TCF7L1: variants seen among roughly 807,000 people sequenced by gnomAD.
The protein encoded by TCF7L1 is transcription factor 7 like 1.
Under a neutral mutation model 63.7 loss-of-function variants are expected in TCF7L1, and 18 were observed. That is an observed-to-expected ratio of 0.28 (90% CI 0.20 to 0.42). The LOEUF is 0.42. TCF7L1 is among the 10% of genes least tolerant of loss of function. TCF7L1 has a pLI of 1.00. For missense variants in TCF7L1, 654 were observed against 779.3 expected (o/e 0.84, Z 1.91); for synonymous variants, 355 against 340.9 (o/e 1.04, Z -0.46).
chr2:85,287,214 C>G (rs949013635), intron 4 of TCF7L1, among the ~76,000 whole-genome samples: 2 of 152,202 alleles, frequency 1.3e-5, no homozygotes, highest in African/African-American at 4.8e-5. Flanking sequence ...AGCCGACAGC[C>G]AAGGCCTGAC....
At chr2:85,267,469 G>T (rs1002693039) in intron 3 of TCF7L1, among the ~76,000 whole-genome samples, 1 of 151,830 alleles carries the variant, frequency 6.6e-6, no homozygotes, top group Non-Finnish European at 1.5e-5. Context: ...GGCCAACATG[G>T]TGAACCCCTG....
chr2:85,145,094 T>C (rs1217368825), intron 3 of TCF7L1, among the ~76,000 whole-genome samples: 1 of 151,644 alleles, frequency 6.6e-6, no homozygotes. Flanking sequence ...ATCATGACAT[T>C]CCATACTTTT....
intron 3 of TCF7L1, among the ~76,000 whole-genome samples, chr2:85,222,900 G>T (rs558647010): frequency 1.5e-3 from 224 of 152,262 alleles, no homozygotes; most frequent in Non-Finnish European, 2.5e-3. Flanking sequence ...ATTTACCAAT[G>T]AAGTGATAGG....
At chr2:85,212,628 G>A (rs146100219) in intron 3 of TCF7L1, among the ~76,000 whole-genome samples, 3 of 152,156 alleles carry the variant, frequency 2.0e-5, no homozygotes, top group East Asian at 1.9e-4. Flanking sequence ...GAGTAAAAGC[G>A]CAGAGGTGGA....
At position 85,213,944 on chromosome 2, in the gene TCF7L1, C is replaced by T. The variant is rs149500971; in HGVS notation, c.442-69551C>T. Among the ~76,000 whole-genome samples the T allele has an allele frequency of 4.9e-4, 75 of 152,362 alleles. 1 individual carries two copies. Among genetic ancestry groups the T allele is most frequent in the Middle Eastern group, 3.4e-3 (1 of 294 alleles). ...AAGGCTGGATCCAGAGGGTGTCCCA[C>T]TGTGCATGGATGGGGGGCTTCCTCC... is the stretch of plus-strand genomic sequence containing the variant. On this transcript the variant is annotated intron_variant, in intron 3 of 11. Transcript: ENST00000282111.
rs552020907 is a variant in TCF7L1, at chr2:85,228,467, G to A, written c.442-55028G>A. Reference sequence around the variant, plus strand: ...AGGGTTCCAGCCTTAGAGGGACTGCGTTTCAAGTGAGAGAGAGGGATGAAT... The same window carrying A: ...AGGGTTCCAGCCTTAGAGGGACTGCATTTCAAGTGAGAGAGAGGGATGAAT... On this transcript the variant is annotated intron_variant, in intron 3 of 11. Coordinates refer to ENST00000282111, the MANE Select transcript of TCF7L1 (RefSeq NM_031283.3). Among the ~76,000 whole-genome samples, 12 of 152,248 alleles carry A rather than the reference G, an allele frequency of 7.9e-5. No homozygotes were observed. The East Asian group carries it at 1.7e-3, about 22-fold the overall frequency.
intron 3 of TCF7L1, among the ~76,000 whole-genome samples, chr2:85,172,041 GA>G (rs1678555999): frequency 6.6e-6 from 1 of 152,104 alleles, no homozygotes; most frequent in South Asian, 2.1e-4. Flanking sequence ...ACCGTCCAAT[GA>G]GATGTGCAGT....
In TCF7L1 at chr2:85,185,711, T is replaced by C. The variant is rs544565810; in HGVS notation, c.441+51261T>C. On this transcript the variant is annotated intron_variant, in intron 3 of 11. Transcript: ENST00000282111. ...CCACACTCTGCTGAGGTTGTGGCAGTCCCTGGCTTGGGGTTAGGACATCTT... is the reference window on the plus strand; with the variant it reads ...CCACACTCTGCTGAGGTTGTGGCAGCCCCTGGCTTGGGGTTAGGACATCTT... Among the ~76,000 whole-genome samples, 899 of 152,206 alleles carry C rather than the reference T, an allele frequency of 5.9e-3. 12 individuals are homozygous for C. The highest frequency in any genetic ancestry group is 0.02 in the African/African-American group (843 of 41,522).
At chr2:85,152,758 C>G (rs1678048505) in intron 3 of TCF7L1, among the ~76,000 whole-genome samples, 2 of 151,954 alleles carry the variant, frequency 1.3e-5, no homozygotes, top group African/African-American at 4.8e-5. Context: ...TAAATGTACT[C>G]TTAATATTGG....
chr2:85,154,121 G>A (rs771195084), intron 3 of TCF7L1, among the ~76,000 whole-genome samples: 42 of 152,254 alleles, frequency 2.8e-4, no homozygotes, highest in Non-Finnish European at 4.3e-4. Context: ...AATCTGGCTC[G>A]CTGGTTTGTG....
chr2:85,197,000 G>C (rs1187484470), intron 3 of TCF7L1, among the ~76,000 whole-genome samples: 1 of 152,054 alleles, frequency 6.6e-6, no homozygotes, highest in Non-Finnish European at 1.5e-5. Flanking sequence ...ACGGTTTCAG[G>C]GCCTTGCGTG....
At chr2:85,241,302 A>C (rs1680319297) in intron 3 of TCF7L1, among the ~76,000 whole-genome samples, 1 of 152,148 alleles carries the variant, frequency 6.6e-6, no homozygotes, top group African/African-American at 2.4e-5. Context: ...CCCTGTCCTC[A>C]GTGCCTTCTA....
chr2:85,214,322 G>A (rs181192698), intron 3 of TCF7L1, among the ~76,000 whole-genome samples: 40 of 152,332 alleles, frequency 2.6e-4, no homozygotes, highest in African/African-American at 9.6e-4. Context: ...CTTGAGGGCA[G>A]GGGCAGTCTT....
At chr2:85,304,786 A>G (rs998329479) in intron 7 of TCF7L1, among the ~76,000 whole-genome samples, 1 of 152,224 alleles carries the variant, frequency 6.6e-6, no homozygotes, top group African/African-American at 2.4e-5. Flanking sequence ...TCGTAAAGTC[A>G]AAATATCCTA....
chr2:85,188,298 A>G (rs1401006710), intron 3 of TCF7L1, among the ~76,000 whole-genome samples: 1 of 152,210 alleles, frequency 6.6e-6, no homozygotes, highest in Non-Finnish European at 1.5e-5. Context: ...AAACTGGTGA[A>G]ATCTGAGAAA....
intron 8 of TCF7L1, among the ~76,000 whole-genome samples, chr2:85,305,614 C>T (rs1682088459): frequency 2.0e-5 from 3 of 152,262 alleles, no homozygotes; most frequent in Admixed American, 1.3e-4. Flanking sequence ...TGCATCTTCT[C>T]TCTTATTAAG....
intron 3 of TCF7L1, among the ~76,000 whole-genome samples, chr2:85,269,840 A>G (rs1037618654): frequency 1.3e-5 from 2 of 152,188 alleles, no homozygotes; most frequent in African/African-American, 4.8e-5. Flanking sequence ...ACATTTGCAT[A>G]CACACTAGTG....
intron 3 of TCF7L1, among the ~76,000 whole-genome samples, chr2:85,261,936 A>G (rs900983516): frequency 3.3e-5 from 5 of 152,242 alleles, no homozygotes; most frequent in African/African-American, 4.8e-5. Context: ...TTGTAATAAC[A>G]TAAGGGTAAT....
At chr2:85,236,105 A>G (rs1680184698) in intron 3 of TCF7L1, among the ~76,000 whole-genome samples, 1 of 152,018 alleles carries the variant, frequency 6.6e-6, no homozygotes, top group African/African-American at 2.4e-5. Flanking sequence ...GTGAGCTGTG[A>G]TTGCACTGCT....
Sources: allele counts gnomAD v4.1 joint callset (sites outside exome capture counted in the v4.1 genomes callset), GRCh38; gene constraint gnomAD v4.1.1; transcripts MANE v1.5; gene names NCBI Gene and HGNC (gene_info 2026-07-23, HGNC 2026-07-21).